Variants in HABP2 observed in about 807,000 individuals in gnomAD.
HABP2 encodes factor VII-activating protease.
Under a neutral mutation model 66.5 loss-of-function variants are expected in HABP2, and 65 were observed. That is an observed-to-expected ratio of 0.98 (90% CI 0.80 to 1.20). The LOEUF is 1.20. Ranked by LOEUF, HABP2 falls within the 50% of genes most tolerant of loss-of-function variation. The pLI is 0.00. For synonymous variants in HABP2, 263 were observed against 253.9 expected (o/e 1.04, Z -0.34); for missense variants, 786 against 691.0 (o/e 1.14, Z -1.54).
chr10:113,579,844 A>G (rs1488957969), intron 7 of HABP2, among the ~76,000 whole-genome samples: 4 of 151,526 alleles, frequency 2.6e-5, no homozygotes, highest in Admixed American at 1.3e-4. Context: ...GTGCAGTGGC[A>G]CCATCTCAGC....
At chr10:113,570,976 C>T (rs903218655) in intron 2 of HABP2, among the ~76,000 whole-genome samples, 26 of 152,318 alleles carry the variant, frequency 1.7e-4, no homozygotes, top group African/African-American at 6.0e-4. Flanking sequence ...AGCTATGACA[C>T]TTAAAACTCT....
chr10:113,560,881 G>A lies in HABP2; in HGVS notation c.70-6608G>A, dbSNP rs572571376. ...GGCTGAGGGAGAATAAGAAGGAGGC[G>A]TTTCTGTTCAACGAGTACAGTCCAT... is the stretch of plus-strand genomic sequence containing the variant. On this transcript the variant is annotated intron_variant, in intron 1 of 12. Coordinates refer to ENST00000351270, the MANE Select transcript of HABP2 (RefSeq NM_004132.5). 3.9e-5 allele frequency among the ~76,000 whole-genome samples: 6 copies of A among 152,298 alleles called. No individual in the cohort carries two copies. In the East Asian group the frequency reaches 7.7e-4, roughly 20 times the overall value.
In HABP2 at chr10:113,588,381, C is replaced by T; in HGVS notation, c.*12C>T. ...AAAGTGGCTTCTAAGGTACTGTCTT[C>T]TGGACCTCAGAGCCCACTCTCCTTG... On this transcript the variant is annotated 3_prime_UTR_variant, in exon 13 of 13. Coordinates refer to ENST00000351270, the MANE Select transcript of HABP2 (RefSeq NM_004132.5). 6.2e-7 allele frequency: 1 copy of T among 1,603,252 alleles called. No homozygotes were observed. Among genetic ancestry groups the T allele is most frequent in the Non-Finnish European group, 8.5e-7 (1 of 1,174,020 alleles).
In HABP2 at chr10:113,589,035, C is replaced by T; in HGVS notation, c.*666C>T. 1 of 1,614,052 alleles carries T rather than the reference C, an allele frequency of 6.2e-7. No individual in the cohort carries two copies. The highest frequency in any genetic ancestry group is 8.5e-7 in the Non-Finnish European group (1 of 1,180,006). The stretch of plus-strand genomic sequence containing the variant: ...GAATCTCAGTGGCATCTGGGTTCAC[C>T]TCCCCACTCTGATGATCTCCAGCCT... On this transcript the variant is annotated 3_prime_UTR_variant, in exon 13 of 13. Transcript: ENST00000351270.
chr10:113,558,116 G>A (rs1845033267), intron 1 of HABP2, among the ~76,000 whole-genome samples: 1 of 152,218 alleles, frequency 6.6e-6, no homozygotes, highest in Admixed American at 6.5e-5. Context: ...GCTTCCAGCA[G>A]GAGACAAAGT....
chr10:113,586,302 G>T (rs1269011851), intron 12 of HABP2, among the ~76,000 whole-genome samples: 1 of 152,172 alleles, frequency 6.6e-6, no homozygotes, highest in East Asian at 1.9e-4. Flanking sequence ...CAGTCTGCAG[G>T]ACACCAAAGG....
intron 12 of HABP2, among the ~76,000 whole-genome samples, chr10:113,586,439 T>C (rs1845634180): frequency 7.2e-6 from 1 of 138,390 alleles, no homozygotes; most frequent in South Asian, 2.5e-4. Context: ...TAATATTAAC[T>C]CATGATTAGG....
At chr10:113,560,699 G>A (rs1027785648) in intron 1 of HABP2, among the ~76,000 whole-genome samples, 2 of 152,188 alleles carry the variant, frequency 1.3e-5, no homozygotes, top group Non-Finnish European at 2.9e-5. Flanking sequence ...TAAAAAGGAA[G>A]GAAAGTTTGA....
At chr10:113,582,978 G>A (rs1845568248) in intron 9 of HABP2, among the ~76,000 whole-genome samples, 1 of 152,224 alleles carries the variant, frequency 6.6e-6, no homozygotes, top group East Asian at 1.9e-4. Flanking sequence ...AAGGCCTAGG[G>A]AGAATGGGAG....
Position 113,588,604 on chromosome 10 carries a change from C to CAT in HABP2, c.*237_*238dup, listed in dbSNP as rs971665299. 3 of 544,868 alleles carry CAT rather than the reference C, an allele frequency of 5.5e-6. No individual in the cohort carries two copies. The African/African-American group carries it at 5.7e-5, about 10-fold the overall frequency. The allele number at this position is 544,868 out of a possible 1,614,324, so 33.8% of individuals were successfully genotyped here. A position where few individuals can be genotyped will look rare whatever the true frequency, so the allele number is the denominator to read the frequency against. The stretch of plus-strand genomic sequence containing the variant: ...CCAAGGAATGATGGAATCAACACAA[C>CAT]ATAGTATGTTTGCTTTCCTTACCCA... On this transcript the variant is annotated 3_prime_UTR_variant, in exon 13 of 13. Coordinates refer to ENST00000351270, the MANE Select transcript of HABP2 (RefSeq NM_004132.5).
chr10:113,568,808 A>G (rs1347396804), intron 2 of HABP2, among the ~76,000 whole-genome samples: 1 of 152,120 alleles, frequency 6.6e-6, no homozygotes, highest in Middle Eastern at 3.2e-3. Context: ...TGTGGGAGCT[A>G]TGGGGTGACA....
At chr10:113,580,841 A>C in intron 8 of HABP2, 149 bp downstream of exon 8, 1 of 587,972 alleles carries the variant, frequency 1.7e-6, no homozygotes. Flanking sequence ...CAACTGCCCA[A>C]CTGTCTGCAC....
In HABP2 at chr10:113,588,466, AC is replaced by A; in HGVS notation, c.*99del. 1.2e-6 allele frequency: 1 copy of A among 863,340 alleles called. No homozygotes were observed. Among genetic ancestry groups the A allele is most frequent in the Non-Finnish European group, 1.8e-6 (1 of 562,862 alleles). 53.5% of individuals were successfully genotyped at this position (863,340 alleles called of 1,614,324 possible). ...TGGACACCTCCAGAGCCTCCAGGGG[AC>A]CACACAGTAGACTATCCCTACTCTA... On this transcript the variant is annotated 3_prime_UTR_variant, in exon 13 of 13. Transcript: ENST00000351270.
chr10:113,586,410 A>G (rs1334101553), intron 12 of HABP2, among the ~76,000 whole-genome samples: 2 of 145,710 alleles, frequency 1.4e-5, no homozygotes, highest in African/African-American at 2.5e-5. Context: ...AAGAAGGCCT[A>G]GAGCTAGAGA....
chr10:113,578,150 G>A lies in HABP2; in HGVS notation c.568+5G>A, dbSNP rs1205498441. ...AGGGGAAATTCTGTGAAATAGGTAT[G>A]GGTCTCTGCCACCATCAGGGCCACA... On this transcript the variant is annotated splice_donor_5th_base_variant and intron_variant, in intron 6 of 12. Transcript: ENST00000351270. 1.2e-6 allele frequency: 2 copies of A among 1,614,030 alleles called. No individual in the cohort carries two copies. The highest frequency in any genetic ancestry group is 2.2e-5 in the East Asian group (1 of 44,884).
At chr10:113,562,443 T>A (rs1315361747) in intron 1 of HABP2, among the ~76,000 whole-genome samples, 2 of 43,364 alleles carry the variant, frequency 4.6e-5, no homozygotes, top group Admixed American at 3.1e-4. Context: ...TGGATAAGCT[T>A]TTTTTTTTTT....
chr10:113,577,078 AT>A lies in HABP2; in HGVS notation c.332-70del, dbSNP rs1048791564. On this transcript the variant is annotated intron_variant, in intron 4 of 12. Coordinates refer to ENST00000351270, the MANE Select transcript of HABP2 (RefSeq NM_004132.5). ...ACTGTCAGTCACCCCACCCTCAAACATTGTTTTATACATGTATCCCTCTAAG... is the reference window on the plus strand; with the variant it reads ...ACTGTCAGTCACCCCACCCTCAAACATGTTTTATACATGTATCCCTCTAAG... 15 of 852,790 alleles carry A rather than the reference AT, an allele frequency of 1.8e-5. No homozygotes were observed. The Admixed American group carries it at 2.1e-4, about 12-fold the overall frequency. The allele number at this position is 852,790 out of a possible 1,614,324, so 52.8% of individuals were successfully genotyped here. A position where few individuals can be genotyped will look rare whatever the true frequency, so the allele number is the denominator to read the frequency against.
Position 113,589,004 on chromosome 10 carries a change from CG to C in HABP2, c.*636del. 1 of 1,613,930 alleles carries C rather than the reference CG, an allele frequency of 6.2e-7. No homozygotes were observed. Among genetic ancestry groups the C allele is most frequent in the Non-Finnish European group, 8.5e-7 (1 of 1,179,902 alleles). ...AACAGCAGGGCCTTCTTCTTTTTGACGTGCAGAATCTCAGTGGCATCTGGGT... is the reference window on the plus strand; with the variant it reads ...AACAGCAGGGCCTTCTTCTTTTTGACTGCAGAATCTCAGTGGCATCTGGGT... On this transcript the variant is annotated 3_prime_UTR_variant, in exon 13 of 13. Transcript: ENST00000351270.
At position 113,575,928 on chromosome 10, in the gene HABP2, TG is replaced by T; in HGVS notation, c.259del (p.Asp87ThrfsTer103). The T allele has an allele frequency of 6.2e-7, 1 of 1,611,048 alleles. No homozygotes were observed. Among genetic ancestry groups the T allele is most frequent in the Non-Finnish European group, 8.5e-7 (1 of 1,177,220 alleles). On this transcript the variant is annotated frameshift_variant, in exon 4 of 13. Coordinates refer to ENST00000351270, the MANE Select transcript of HABP2 (RefSeq NM_004132.5). LOFTEE classifies it high-confidence loss of function. ...GCCAGCCCAACCCCTGTGAACACGG[TG>T]GGGACTGCCTCGTCCATGGGAGCAC... is the stretch of plus-strand genomic sequence containing the variant. ...PCQPNPCEHG[G>X]DCLVHGSTFT...
Sources: allele counts gnomAD v4.1 joint callset (sites outside exome capture counted in the v4.1 genomes callset), GRCh38; gene constraint gnomAD v4.1.1; transcripts MANE v1.5; gene names NCBI Gene and HGNC (gene_info 2026-07-23, HGNC 2026-07-21).